The following SDHC variants were observed in gnomAD, a reference collection of about 807,000 sequenced individuals.
SDHC encodes the protein succinate dehydrogenase complex subunit C, also known as succinate dehydrogenase cytochrome b560 subunit, mitochondrial.
In SDHC, 11 loss-of-function variants were observed where a neutral mutation model predicts 22.6. That is an observed-to-expected ratio of 0.49 (90% CI 0.31 to 0.81). The LOEUF is 0.81. Among genes scored for constraint, SDHC ranks in the 30% least tolerant of loss-of-function variants. SDHC has a pLI of 0.05. For missense variants in SDHC, 160 were observed against 212.0 expected, an observed-to-expected ratio of 0.75 and a Z score of 1.52; for synonymous variants, 80 against 77.8, an observed-to-expected ratio of 1.03 and a Z score of -0.15.
At chr1:161,326,562 A>AATATAT (rs35810451) in intron 2 of SDHC, 5 of 116,114 alleles carry the variant, frequency 4.3e-5, no homozygotes, top group Admixed American at 8.0e-5. Context: ...TTTTTTTTTA[A>AATATAT]ATATATATAT....
chr1:161,347,717 T>G (rs1240783427), intron 4 of SDHC, among the ~76,000 whole-genome samples: 1 of 151,808 alleles, frequency 6.6e-6, no homozygotes, highest in East Asian at 2.0e-4. Flanking sequence ...AATACAAAAA[T>G]TAGCTGGGCA....
intron 3 of SDHC, among the ~76,000 whole-genome samples, chr1:161,331,348 A>G (rs1226779297): frequency 2.0e-5 from 3 of 150,542 alleles, no homozygotes; most frequent in African/African-American, 4.9e-5. Context: ...GCTCATTGCA[A>G]CCTCCGCCTC....
At chr1:161,354,256 A>G (rs141201468) in intron 4 of SDHC, among the ~76,000 whole-genome samples, 3 of 152,370 alleles carry the variant, frequency 2.0e-5, no homozygotes, top group African/African-American at 7.2e-5. Flanking sequence ...CTTGTTCCAC[A>G]GTGATTTTCA....
At chr1:161,347,294 G>T (rs566516160) in intron 4 of SDHC, among the ~76,000 whole-genome samples, 1 of 151,934 alleles carries the variant, frequency 6.6e-6, no homozygotes, top group African/African-American at 2.4e-5. Flanking sequence ...TCGCTCTGTC[G>T]GCCAGGCTGG....
chr1:161,339,481 T>C, intron 3 of SDHC: 1 of 744,498 alleles, frequency 1.3e-6, no homozygotes, highest in Non-Finnish European at 1.9e-6. Flanking sequence ...CCATGCCAGC[T>C]CCAACTTTAA....
chr1:161,345,138 C>A (rs1019725056), intron 4 of SDHC, among the ~76,000 whole-genome samples: 1 of 152,192 alleles, frequency 6.6e-6, no homozygotes, highest in African/African-American at 2.4e-5. Flanking sequence ...TGCCATTCCT[C>A]CCTTTGCTTA....
chr1:161,314,588 C>T (rs1670532352), intron 1 of SDHC, 163 bp downstream of exon 1: 3 of 791,036 alleles, frequency 3.8e-6, no homozygotes, highest in Admixed American at 2.2e-5. Flanking sequence ...TTTTCCCGTC[C>T]CCCCCAGCCG....
rs1488003689 is a variant in SDHC, at chr1:161,339,625, C to G, written c.180-969C>G. 5 of 613,732 alleles carry G rather than the reference C, an allele frequency of 8.1e-6. No individual in the cohort carries two copies. In the South Asian group the frequency reaches 1.4e-4, roughly 17 times the overall value. The allele number at this position is 613,732 out of a possible 1,614,324, so 38.0% of individuals were successfully genotyped here. A position where few individuals can be genotyped will look rare whatever the true frequency, so the allele number is the denominator to read the frequency against. Reference sequence around the variant, plus strand: ...TCTCCATAAATCAGTTTTCTTTATTCTTTAATTTATTTTTGTAACCTAATC... The same window carrying G: ...TCTCCATAAATCAGTTTTCTTTATTGTTTAATTTATTTTTGTAACCTAATC... On this transcript the variant is annotated intron_variant, in intron 3 of 5. Transcript: ENST00000367975.
Position 161,362,585 on chromosome 1 carries a change from G to A in SDHC, c.*152G>A, listed in dbSNP as rs745745565. Reference sequence around the variant, plus strand: ...TCTCCTTGGAGCAGTAGAGTACCTGGTAGACCATAATAGTGGAAAAGGGTC... The same window carrying A: ...TCTCCTTGGAGCAGTAGAGTACCTGATAGACCATAATAGTGGAAAAGGGTC... On this transcript the variant is annotated 3_prime_UTR_variant, in exon 6 of 6. Transcript: ENST00000367975. 7 of 1,609,188 alleles carry A rather than the reference G, an allele frequency of 4.4e-6. No homozygotes were observed. Among genetic ancestry groups the A allele is most frequent in the Non-Finnish European group, 5.9e-6 (7 of 1,178,142 alleles).
chr1:161,322,228 G>T (rs1264500756), intron 1 of SDHC, among the ~76,000 whole-genome samples: 2 of 152,134 alleles, frequency 1.3e-5, no homozygotes, highest in Non-Finnish European at 2.9e-5. Flanking sequence ...CACAGTAGGG[G>T]TGCTCAACCT....
chr1:161,330,996 CAAAA>C (rs61295520), intron 3 of SDHC, among the ~76,000 whole-genome samples: 3 of 102,232 alleles, frequency 2.9e-5, no homozygotes, highest in Admixed American at 1.2e-4. Flanking sequence ...GCTCTGTTTC[CAAAA>C]AAAAAAAAAA....
chr1:161,351,507 C>T (rs1672094721), intron 4 of SDHC, among the ~76,000 whole-genome samples: 1 of 152,212 alleles, frequency 6.6e-6, no homozygotes, highest in Non-Finnish European at 1.5e-5. Flanking sequence ...CATTAATAAT[C>T]AGAATAGTTA....
At chr1:161,340,826 C>G (rs2102336802) in intron 4 of SDHC, among the ~76,000 whole-genome samples, 171 bp downstream of exon 4, 1 of 152,206 alleles carries the variant, frequency 6.6e-6, no homozygotes, top group East Asian at 1.9e-4. Flanking sequence ...TGAGTTTGCA[C>G]TGTGCTCAGA....
chr1:161,359,096 C>CAA (rs1200754917), intron 5 of SDHC, among the ~76,000 whole-genome samples: 1 of 115,400 alleles, frequency 8.7e-6, no homozygotes, highest in Non-Finnish European at 1.8e-5. Context: ...AACTCAGTCT[C>CAA]AAAAAAAAAA....
At chr1:161,315,160 C>T (rs1481197014) in intron 1 of SDHC, among the ~76,000 whole-genome samples, 1 of 152,226 alleles carries the variant, frequency 6.6e-6, no homozygotes, top group Non-Finnish European at 1.5e-5. Context: ...CAGCGACTAG[C>T]GCCTTTAGAC....
At chr1:161,338,772 GA>G (rs1671589061) in intron 3 of SDHC, among the ~76,000 whole-genome samples, 1 of 152,186 alleles carries the variant, frequency 6.6e-6, no homozygotes, top group Non-Finnish European at 1.5e-5. Flanking sequence ...GTGGATAAAT[GA>G]AACTCAGGTT....
chr1:161,328,236 A>G (rs574686719), intron 2 of SDHC, among the ~76,000 whole-genome samples, 160 bp from the exon 3 acceptor site: 1 of 152,250 alleles, frequency 6.6e-6, no homozygotes, highest in South Asian at 2.1e-4. Flanking sequence ...TTGTGACCTC[A>G]GGTGATCCGC....
intron 1 of SDHC, 124 bp from the exon 2 acceptor site, chr1:161,323,490 C>T: frequency 1.3e-6 from 1 of 741,080 alleles, no homozygotes; most frequent in East Asian, 2.7e-5. Flanking sequence ...ATCAAGGACA[C>T]TGATACTGTC....
chr1:161,325,681 C>G (rs2102300825), intron 2 of SDHC, among the ~76,000 whole-genome samples: 1 of 152,190 alleles, frequency 6.6e-6, no homozygotes, highest in South Asian at 2.1e-4. Flanking sequence ...ACAAAGGAAA[C>G]CAAGAAACTA....
Sources: allele counts gnomAD v4.1 joint callset (sites outside exome capture counted in the v4.1 genomes callset), GRCh38; gene constraint gnomAD v4.1.1; transcripts MANE v1.5; gene names NCBI Gene and HGNC (gene_info 2026-07-23, HGNC 2026-07-21).